Variants in ADGRD1 observed in about 807,000 individuals in gnomAD.
ADGRD1 encodes the protein adhesion G protein-coupled receptor D1.
ADGRD1 carries 77 observed loss-of-function variants against 113.4 expected under a neutral mutation model. The ratio of observed to expected loss-of-function variants is 0.68; its 90% CI spans 0.57 to 0.82. The LOEUF is 0.82. Ranked by LOEUF, ADGRD1 falls within the 40% of genes least tolerant of loss-of-function variation. The pLI, the probability that ADGRD1 is intolerant of heterozygous loss-of-function variation, is 0.00. For missense variants in ADGRD1, 1,036 were observed against 1,139.1 expected (o/e 0.91, Z 1.30); for synonymous variants, 474 against 475.0 (o/e 1.00, Z 0.03).
At chr12:131,082,109 A>T (rs987464175) in intron 14 of ADGRD1, among the ~76,000 whole-genome samples, 2 of 152,056 alleles carry the variant, frequency 1.3e-5, no homozygotes, top group Non-Finnish European at 2.9e-5. Flanking sequence ...TATATTTATA[A>T]TCATAGGAAA....
chr12:131,077,357 T>C (rs11611439), intron 14 of ADGRD1, among the ~76,000 whole-genome samples: 46,526 of 152,120 alleles, frequency 0.31, 8,627 homozygotes, highest in East Asian at 0.67. Context: ...GGCCTCAGCC[T>C]CTGCCACTTG....
At chr12:130,996,845 A>G (rs1273898264) in intron 8 of ADGRD1, among the ~76,000 whole-genome samples, 2 of 85,594 alleles carry the variant, frequency 2.3e-5, no homozygotes, top group African/African-American at 4.7e-5. Flanking sequence ...TGACCCCCCC[A>G]CCTCCCTCCC....
At chr12:131,136,777 G>C (rs112138497) in intron 22 of ADGRD1, among the ~76,000 whole-genome samples, 196 bp from the exon 23 acceptor site, 1 of 152,216 alleles carries the variant, frequency 6.6e-6, no homozygotes, top group Non-Finnish European at 1.5e-5. Flanking sequence ...AACTCGGTCC[G>C]AGCAGCTGCC....
At chr12:131,038,059 G>A (rs1166704268) in intron 13 of ADGRD1, among the ~76,000 whole-genome samples, 1 of 151,644 alleles carries the variant, frequency 6.6e-6, no homozygotes, top group African/African-American at 2.4e-5. Flanking sequence ...ACTGCACCGG[G>A]TCTCACTCAC....
intron 14 of ADGRD1, among the ~76,000 whole-genome samples, chr12:131,079,769 TTTG>T (rs1885925878): frequency 6.6e-6 from 1 of 152,220 alleles, no homozygotes; most frequent in African/African-American, 2.4e-5. Flanking sequence ...CACAGAGTTT[TTTG>T]TGGTATTCCG....
At chr12:131,085,272 G>A (rs766290052) in intron 15 of ADGRD1, among the ~76,000 whole-genome samples, 11 of 152,178 alleles carry the variant, frequency 7.2e-5, no homozygotes, top group Non-Finnish European at 1.0e-4. Flanking sequence ...GGGATGTGGC[G>A]TCTGAATGGC....
intron 21 of ADGRD1, among the ~76,000 whole-genome samples, chr12:131,134,714 T>C (rs545753167): frequency 6.6e-6 from 1 of 152,354 alleles, no homozygotes; most frequent in African/African-American, 2.4e-5. Flanking sequence ...ACAAGGAAGC[T>C]CATTATGGCC....
intron 8 of ADGRD1, among the ~76,000 whole-genome samples, chr12:130,997,423 CGG>C (rs1875703879): frequency 1.4e-5 from 2 of 143,666 alleles, no homozygotes; most frequent in Admixed American, 6.8e-5. Context: ...GGCTGCCGGG[CGG>C]AGGGGCTCCT....
At chr12:131,054,238 G>A (rs569877180) in intron 13 of ADGRD1, among the ~76,000 whole-genome samples, 8 of 152,242 alleles carry the variant, frequency 5.3e-5, no homozygotes, top group East Asian at 3.9e-4. Context: ...GTGTCACCCC[G>A]AAAGTTCCCT....
Position 131,084,751 on chromosome 12 carries a change from G to A in ADGRD1, c.1671+88G>A. 7.1e-7 allele frequency: 1 copy of A among 1,416,130 alleles called. No individual in the cohort carries two copies. The highest frequency in any genetic ancestry group is 9.8e-7 in the Non-Finnish European group (1 of 1,024,742). The allele number at this position is 1,416,130 out of a possible 1,614,324, so 87.7% of individuals were successfully genotyped here. On this transcript the variant is annotated intron_variant, in intron 15 of 24. Transcript: ENST00000261654. This position sits in a 1 kb window ranked among gnomAD's most constrained non-coding sequence, Gnocchi z 4.5. The stretch of plus-strand genomic sequence containing the variant: ...GCGGGAGGATGCTTTGCCCGCCAGT[G>A]CCCACGGGCCCTGGGCACATTACTC...
rs1003402383 is a variant in ADGRD1, at chr12:131,060,224, G to A, written c.1474-16577G>A. On this transcript the variant is annotated intron_variant, in intron 13 of 24. Coordinates refer to ENST00000261654, the MANE Select transcript of ADGRD1 (RefSeq NM_198827.5). This position sits in a 1 kb window ranked among gnomAD's most constrained non-coding sequence, Gnocchi z 4.4. Reference sequence around the variant, plus strand: ...GTCTTCTCCAGTGCCACCTCCCTGGGGATGCTCGGGGCATCCGCCACAGCC... The same window carrying A: ...GTCTTCTCCAGTGCCACCTCCCTGGAGATGCTCGGGGCATCCGCCACAGCC... 2.6e-5 allele frequency among the ~76,000 whole-genome samples: 4 copies of A among 152,158 alleles called. No homozygotes were observed. The highest frequency in any genetic ancestry group is 5.9e-5 in the Non-Finnish European group (4 of 68,026).
chr12:131,092,155 G>C (rs992672363), intron 15 of ADGRD1: 1 of 152,548 alleles, frequency 6.6e-6, no homozygotes, highest in East Asian at 1.9e-4. Context: ...CTGGCAGGGT[G>C]CGAGGGAGTG....
intron 15 of ADGRD1, among the ~76,000 whole-genome samples, chr12:131,089,619 G>A (rs970669009): frequency 5.3e-5 from 8 of 151,976 alleles, no homozygotes; most frequent in East Asian, 1.9e-4. Flanking sequence ...CTACCTGATG[G>A]GTGCTCCCGG....
intron 15 of ADGRD1, among the ~76,000 whole-genome samples, chr12:131,087,506 C>T (rs572691004): frequency 6.6e-6 from 1 of 152,342 alleles, no homozygotes; most frequent in South Asian, 2.1e-4. Flanking sequence ...CCTTGCGTGC[C>T]GGGGCTTTCC....
chr12:131,092,760 C>T (rs897150157), intron 15 of ADGRD1, among the ~76,000 whole-genome samples: 4 of 152,200 alleles, frequency 2.6e-5, no homozygotes, highest in African/African-American at 7.2e-5. Context: ...GGTCATGAAC[C>T]GTGGTCTGAA....
chr12:130,985,157 A>C (rs1489873459), intron 5 of ADGRD1, among the ~76,000 whole-genome samples: 2 of 151,362 alleles, frequency 1.3e-5, no homozygotes, highest in Non-Finnish European at 2.9e-5. Flanking sequence ...GGCTGGTCTC[A>C]AACTCCTGGC....
intron 3 of ADGRD1, chr12:130,968,810 C>T: frequency 1.7e-6 from 1 of 596,016 alleles, no homozygotes; most frequent in Non-Finnish European, 3.0e-6. Flanking sequence ...CCAAAGTAAA[C>T]AAGGGTGGTG....
intron 13 of ADGRD1, among the ~76,000 whole-genome samples, chr12:131,033,163 T>C (rs113044019): frequency 0.053 from 7,978 of 151,200 alleles, 705 homozygotes; most frequent in African/African-American, 0.18. Flanking sequence ...CAGACCAGGC[T>C]GGCCCTGCCC....
In ADGRD1 at chr12:131,137,033, C is replaced by A; in HGVS notation, c.2436+19C>A. ...TTCAGAGGTACGTCCGCTCTGCTTG[C>A]TGGCAGGTGCAGGTGCAGCTGGCTT... On this transcript the variant is annotated intron_variant, in intron 23 of 24. Transcript: ENST00000261654. 1 of 1,602,182 alleles carries A rather than the reference C, an allele frequency of 6.2e-7. No homozygotes were observed. The highest frequency in any genetic ancestry group is 8.6e-7 in the Non-Finnish European group (1 of 1,169,028).
Sources: allele counts gnomAD v4.1 joint callset (sites outside exome capture counted in the v4.1 genomes callset), GRCh38; gene constraint gnomAD v4.1.1; non-coding constraint Gnocchi (gnomAD v3.1); transcripts MANE v1.5; gene names NCBI Gene and HGNC (gene_info 2026-07-23, HGNC 2026-07-21).